CWH43: variants seen among roughly 807,000 people sequenced by gnomAD.
The protein encoded by CWH43 is PGAP2-interacting protein.
In CWH43, 91 loss-of-function variants were observed where a neutral mutation model predicts 85.7. That is an observed-to-expected ratio of 1.06 (90% confidence interval 0.90 to 1.26). The LOEUF (loss-of-function observed/expected upper bound fraction) is 1.26, where lower values mean the gene tolerates loss of function less well. Ranked by LOEUF, CWH43 falls within the 50% of genes most tolerant of loss-of-function variation. The probability of loss-of-function intolerance (pLI) is 0.00; values close to 1 mark genes in which losing one functional copy is unlikely to be tolerated. For synonymous variants in CWH43, 323 were observed against 293.6 expected, an observed-to-expected ratio of 1.10 and a Z score of -1.02; for missense variants, 869 against 839.2, an observed-to-expected ratio of 1.04 and a Z score of -0.44.
intron 15 of CWH43, among the ~76,000 whole-genome samples, chr4:49,060,049 G>C (rs1318503670): frequency 1.3e-5 from 2 of 152,128 alleles, no homozygotes; most frequent in African/African-American, 4.8e-5. Context: ...CCTAGATTCT[G>C]TTACCTGGGC....
chr4:49,030,172 C>T (rs915382119), intron 10 of CWH43, among the ~76,000 whole-genome samples: 4 of 152,186 alleles, frequency 2.6e-5, no homozygotes, highest in African/African-American at 9.7e-5. Context: ...TGTTTCAGTG[C>T]TCCGGGGTGC....
intron 9 of CWH43, among the ~76,000 whole-genome samples, 199 bp from the exon 10 acceptor site, chr4:49,028,430 C>T (rs991588345): frequency 6.6e-6 from 1 of 152,124 alleles, no homozygotes; most frequent in African/African-American, 2.4e-5. Flanking sequence ...CAAACTTAAG[C>T]TAGAAGTTCA....
chr4:49,039,416 GAT>G (rs1302857761), intron 13 of CWH43, among the ~76,000 whole-genome samples: 1 of 119,366 alleles, frequency 8.4e-6, no homozygotes, highest in Non-Finnish European at 1.7e-5. Flanking sequence ...TATATATACT[GAT>G]ATATATATAC....
At chr4:49,015,059 G>A (rs560167179) in intron 8 of CWH43, among the ~76,000 whole-genome samples, 1 of 151,988 alleles carries the variant, frequency 6.6e-6, no homozygotes, top group African/African-American at 2.4e-5. Flanking sequence ...CAAACCCCTG[G>A]CAACCACTAA....
intron 9 of CWH43, among the ~76,000 whole-genome samples, chr4:49,026,210 C>G (rs566453107): frequency 1.3e-5 from 2 of 152,312 alleles, no homozygotes; most frequent in South Asian, 2.1e-4. Flanking sequence ...ACCGTGCCCC[C>G]ACAACAGCAC....
intron 6 of CWH43, among the ~76,000 whole-genome samples, chr4:49,000,295 C>T (rs921395440): frequency 2.6e-5 from 4 of 152,164 alleles, no homozygotes; most frequent in South Asian, 2.1e-4. Flanking sequence ...AATCCAGATA[C>T]GTGGCTAAAT....
intron 9 of CWH43, among the ~76,000 whole-genome samples, chr4:49,020,571 C>G (rs1200973769): frequency 6.6e-6 from 1 of 151,798 alleles, no homozygotes; most frequent in Non-Finnish European, 1.5e-5. Flanking sequence ...TGGGTAGATA[C>G]CCAGGAGTGT....
At chr4:49,020,753 G>T (rs1244998791) in intron 9 of CWH43, among the ~76,000 whole-genome samples, 1 of 152,070 alleles carries the variant, frequency 6.6e-6, no homozygotes, top group Admixed American at 6.5e-5. Flanking sequence ...GGCCATTCTT[G>T]CAGGAGTAAG....
intron 14 of CWH43, among the ~76,000 whole-genome samples, 182 bp from the exon 15 acceptor site, chr4:49,050,512 A>C (rs1296318891): frequency 6.6e-6 from 1 of 152,222 alleles, no homozygotes; most frequent in South Asian, 2.1e-4. Flanking sequence ...TTATTCATTT[A>C]TATCATAAAA....
chr4:49,048,976 A>G (rs761661930), intron 14 of CWH43, among the ~76,000 whole-genome samples: 1 of 152,174 alleles, frequency 6.6e-6, no homozygotes, highest in Non-Finnish European at 1.5e-5. Context: ...ATAAATACTT[A>G]TTGGACAACA....
In CWH43 at chr4:49,013,802, T is replaced by C. The variant is rs114822767; in HGVS notation, c.1187-3447T>C. On this transcript the variant is annotated intron_variant, in intron 8 of 15. Transcript: ENST00000226432. ...TATTTACTCCATTTCTTGTTTTCCT[T>C]TTTTGGGGAGATTATGTTAATGTTT... is the stretch of plus-strand genomic sequence containing the variant. Among the ~76,000 whole-genome samples, 1,203 of 152,282 alleles carry C rather than the reference T, an allele frequency of 7.9e-3. 4 individuals are homozygous for C. The highest frequency in any genetic ancestry group is 0.012 in the Non-Finnish European group (849 of 68,018).
chr4:49,051,540 T>C (rs1427653164), intron 15 of CWH43, among the ~76,000 whole-genome samples: 1 of 152,212 alleles, frequency 6.6e-6, no homozygotes, highest in African/African-American at 2.4e-5. Flanking sequence ...TGATGGATAA[T>C]TCATTTACAT....
intron 9 of CWH43, among the ~76,000 whole-genome samples, chr4:49,027,703 A>G (rs1261936588): frequency 6.6e-6 from 1 of 152,184 alleles, no homozygotes; most frequent in Non-Finnish European, 1.5e-5. Flanking sequence ...ATTCAATTAC[A>G]TTCTTTATTT....
chr4:49,025,728 A>G (rs1783894589), intron 9 of CWH43, among the ~76,000 whole-genome samples: 2 of 152,186 alleles, frequency 1.3e-5, no homozygotes, highest in South Asian at 4.1e-4. Flanking sequence ...TTGGCCATGG[A>G]TACCAGCACT....
At chr4:48,996,094 C>G (rs983996527) in intron 5 of CWH43, among the ~76,000 whole-genome samples, 1 of 152,062 alleles carries the variant, frequency 6.6e-6, no homozygotes, top group Admixed American at 6.6e-5. Flanking sequence ...TTGCGCTTCT[C>G]TGGAAGTGCC....
chr4:49,040,431 A>C (rs961832046), intron 13 of CWH43, among the ~76,000 whole-genome samples: 119 of 152,192 alleles, frequency 7.8e-4, no homozygotes, highest in African/African-American at 2.8e-3. Flanking sequence ...TTTTAATGAT[A>C]GCCATTCTAA....
chr4:49,045,840 C>A (rs985805911), intron 14 of CWH43, among the ~76,000 whole-genome samples: 7 of 151,954 alleles, frequency 4.6e-5, no homozygotes, highest in African/African-American at 1.7e-4. Context: ...ATTTGCATAT[C>A]AATTACCTTA....
chr4:49,034,266 C>T (rs1216119073), intron 12 of CWH43, among the ~76,000 whole-genome samples: 2 of 152,136 alleles, frequency 1.3e-5, no homozygotes, highest in East Asian at 3.8e-4. Context: ...TTATGTTGTA[C>T]TTAACATTGG....
chr4:49,005,494 A>G (rs1380339921), intron 7 of CWH43, among the ~76,000 whole-genome samples: 1 of 152,076 alleles, frequency 6.6e-6, no homozygotes, highest in African/African-American at 2.4e-5. Context: ...AATACTTAAG[A>G]AATTACAGTT....
Sources: gnomAD v4.1 joint callset for allele counts (sites outside exome capture counted in the v4.1 genomes callset) on GRCh38, gnomAD v4.1.1 for gene constraint, MANE v1.5 for transcripts, NCBI Gene and HGNC (gene_info 2026-07-23, HGNC 2026-07-21) for gene names.